PPP2R2C: variants seen among roughly 807,000 people sequenced by gnomAD.
The protein encoded by PPP2R2C is protein phosphatase 2, regulatory subunit B, gamma.
In PPP2R2C, 10 loss-of-function variants were observed where a neutral mutation model predicts 45.3. The observed-to-expected ratio is 0.22, with a 90% CI of 0.14 to 0.37. The LOEUF (loss-of-function observed/expected upper bound fraction) is 0.37, where lower values mean the gene tolerates loss of function less well. PPP2R2C is among the 10% of genes least tolerant of loss of function. The pLI is 1.00. For synonymous variants in PPP2R2C, 257 were observed against 245.4 expected, an observed-to-expected ratio of 1.05 and a Z score of -0.44; for missense variants, 308 against 619.7, an observed-to-expected ratio of 0.50 and a Z score of 5.34.
chr4:6,358,172 A>C (rs564559699), intron 5 of PPP2R2C, among the ~76,000 whole-genome samples: 1 of 152,262 alleles, frequency 6.6e-6, no homozygotes, highest in East Asian at 1.9e-4. Context: ...AGGCCTCAGA[A>C]ATAACACCAC....
intron 2 of PPP2R2C, among the ~76,000 whole-genome samples, chr4:6,525,175 T>C (rs1344079692): frequency 3.9e-5 from 6 of 152,010 alleles, no homozygotes; most frequent in African/African-American, 1.4e-4. Flanking sequence ...GAGGCCGAGA[T>C]GGTTGGATCA....
At chr4:6,490,688 G>A (rs1310833715) in intron 2 of PPP2R2C, among the ~76,000 whole-genome samples, 1 of 152,204 alleles carries the variant, frequency 6.6e-6, no homozygotes, top group Non-Finnish European at 1.5e-5. Flanking sequence ...CACCACTCCA[G>A]GGAGAGCGGA....
chr4:6,556,389 T>C (rs1162242518), intron 1 of PPP2R2C, among the ~76,000 whole-genome samples: 1 of 152,176 alleles, frequency 6.6e-6, no homozygotes. Context: ...ACTCACACCA[T>C]CGCAACATCA....
intron 1 of PPP2R2C, among the ~76,000 whole-genome samples, chr4:6,447,722 C>T (rs906042819): frequency 6.6e-6 from 1 of 152,126 alleles, no homozygotes; most frequent in African/African-American, 2.4e-5. Flanking sequence ...AGGGACACAG[C>T]CTGGGGTCAA....
At chr4:6,360,420 T>C (rs971272539) in intron 5 of PPP2R2C, among the ~76,000 whole-genome samples, 1 of 152,268 alleles carries the variant, frequency 6.6e-6, no homozygotes, top group Non-Finnish European at 1.5e-5. Context: ...GAAAGAGGGC[T>C]GCAGCCTTGG....
chr4:6,533,989 AAC>A (rs996049891), intron 2 of PPP2R2C, among the ~76,000 whole-genome samples: 2 of 150,534 alleles, frequency 1.3e-5, no homozygotes, highest in Admixed American at 6.7e-5. Context: ...ACATACCCCA[AAC>A]ACACACACAC....
chr4:6,398,244 T>A (rs1717180076), intron 1 of PPP2R2C, among the ~76,000 whole-genome samples: 1 of 151,028 alleles, frequency 6.6e-6, no homozygotes, highest in South Asian at 2.1e-4. Flanking sequence ...CAACAAAAAA[T>A]GGACAAACTG....
At chr4:6,452,396 C>T (rs1408597758) in intron 1 of PPP2R2C, among the ~76,000 whole-genome samples, 1 of 152,202 alleles carries the variant, frequency 6.6e-6, no homozygotes, top group Non-Finnish European at 1.5e-5. Flanking sequence ...GCTCACTGTC[C>T]TAGGTCTTTG....
intron 1 of PPP2R2C, among the ~76,000 whole-genome samples, chr4:6,448,712 C>T (rs986286679): frequency 3.3e-5 from 5 of 152,170 alleles, no homozygotes; most frequent in Non-Finnish European, 7.4e-5. Context: ...GGACATTCCC[C>T]GGGCCAAGGA....
intron 2 of PPP2R2C, among the ~76,000 whole-genome samples, chr4:6,490,234 A>T (rs981482786): frequency 6.6e-6 from 1 of 152,088 alleles, no homozygotes; most frequent in Non-Finnish European, 1.5e-5. Context: ...GGTTCCTGGG[A>T]GCGCTCATCT....
chr4:6,419,680 G>A (rs1471995734), intron 1 of PPP2R2C, among the ~76,000 whole-genome samples: 1 of 152,178 alleles, frequency 6.6e-6, no homozygotes, highest in Non-Finnish European at 1.5e-5. Flanking sequence ...CAGACAGCTG[G>A]AAAACAATCG....
At chr4:6,562,155 G>A (rs1217573748) in intron 1 of PPP2R2C, among the ~76,000 whole-genome samples, 2 of 152,198 alleles carry the variant, frequency 1.3e-5, no homozygotes, top group Non-Finnish European at 1.5e-5. Flanking sequence ...CGACCAGGGC[G>A]TGGTCAGAGT....
At chr4:6,388,707 C>T (rs942091135) in intron 1 of PPP2R2C, among the ~76,000 whole-genome samples, 1 of 152,032 alleles carries the variant, frequency 6.6e-6, no homozygotes. Flanking sequence ...CCGGAAATGC[C>T]AAGGATTGCC....
chr4:6,553,380 A>G (rs1286946532), intron 1 of PPP2R2C, among the ~76,000 whole-genome samples: 1 of 152,264 alleles, frequency 6.6e-6, no homozygotes, highest in Non-Finnish European at 1.5e-5. Flanking sequence ...AATCCAGCGC[A>G]GTCCACTGTG....
chr4:6,396,730 C>T lies in PPP2R2C; in HGVS notation c.71-15636G>A, dbSNP rs375852211. On this transcript the variant is annotated intron_variant, in intron 1 of 8. Coordinates refer to ENST00000382599, the MANE Select transcript of PPP2R2C (RefSeq NM_020416.4). The stretch of plus-strand genomic sequence containing the variant: ...GAACCTGAGGCTCCAGGAGGCAGAG[C>T]CAGGGGTTTGCCAGTGCAGTTAACA... Among the ~76,000 whole-genome samples, 218 of 152,348 alleles carry T rather than the reference C, an allele frequency of 1.4e-3. 5 individuals carry two copies. In the South Asian group the frequency reaches 0.044, roughly 31 times the overall value.
chr4:6,428,766 G>A (rs889485843), intron 1 of PPP2R2C, among the ~76,000 whole-genome samples: 5 of 152,250 alleles, frequency 3.3e-5, no homozygotes, highest in South Asian at 2.1e-4. Context: ...AAAAACAGCT[G>A]TGCAAACTGG....
At chr4:6,516,848 G>T (rs1436027523) in intron 2 of PPP2R2C, among the ~76,000 whole-genome samples, 1 of 152,086 alleles carries the variant, frequency 6.6e-6, no homozygotes, top group Non-Finnish European at 1.5e-5. Context: ...GATGTCACTG[G>T]TTCATGAAAC....
chr4:6,523,040 G>A (rs746351854), intron 2 of PPP2R2C, among the ~76,000 whole-genome samples: 9 of 152,350 alleles, frequency 5.9e-5, no homozygotes, highest in Non-Finnish European at 8.8e-5. Context: ...GAAGTCATAC[G>A]TCCTATGGCA....
upstream of PPP2R2C, chr4:6,563,712 CG>C (rs1371297822): frequency 5.2e-4 from 7 of 13,476 alleles, no homozygotes; most frequent in Non-Finnish European, 1.1e-3. This position sits in a 1 kb window ranked among gnomAD's most constrained non-coding sequence, Gnocchi z 5.8. Context: ...GGGCGGGGGG[CG>C]GGGGCGCGCG....
Sources: gnomAD v4.1 joint callset for allele counts (sites outside exome capture counted in the v4.1 genomes callset) on GRCh38, gnomAD v4.1.1 for gene constraint, Gnocchi (gnomAD v3.1) non-coding constraint, MANE v1.5 for transcripts, NCBI Gene and HGNC (gene_info 2026-07-23, HGNC 2026-07-21) for gene names.